UBE3B: variants seen among roughly 807,000 people sequenced by gnomAD.
UBE3B encodes the protein ubiquitin-protein ligase E3B.
In UBE3B, 80 loss-of-function variants were observed where a neutral mutation model predicts 132.3. That is an observed-to-expected ratio of 0.60 (90% CI 0.50 to 0.73). The LOEUF is 0.73. Ranked by LOEUF, UBE3B falls within the 30% of genes least tolerant of loss-of-function variation. The pLI, the probability that UBE3B is intolerant of heterozygous loss-of-function variation, is 0.00. For missense variants in UBE3B, 1,196 were observed against 1,362.5 expected (o/e 0.88, Z 1.92); for synonymous variants, 487 against 520.4 (o/e 0.94, Z 0.87).
Position 109,498,251 on chromosome 12 carries a change from T to C in UBE3B, c.838T>C (p.Ser280Pro), listed in dbSNP as rs61748069. The C allele has an allele frequency of 0.033, 52,787 of 1,614,046 alleles. 1,043 individuals carry two copies. The highest frequency in any genetic ancestry group is 0.038 in the Non-Finnish European group (44,980 of 1,179,956). The change falls in exon 11 of 28, where the codon TCC becomes CCC. Residue 280 changes from serine (S) to proline (P), a missense_variant. By Grantham distance (74) the Ser-to-Pro change is moderately conservative. Transcript: ENST00000342494. Reference sequence around the variant, plus strand: ...TTTGCAGCGCCTCACTGTTTTAGAATCCCATGACATGCTTCGTAAATTCAT... The same window carrying C: ...TTTGCAGCGCCTCACTGTTTTAGAACCCCATGACATGCTTCGTAAATTCAT... ...VTPERLTVLE[S>P]HDMLRKFIIF... is the part of the protein sequence containing the mutation.
At chr12:109,519,344 C>A (rs1159441024) in intron 19 of UBE3B, among the ~76,000 whole-genome samples, 1 of 152,218 alleles carries the variant, frequency 6.6e-6, no homozygotes, top group Non-Finnish European at 1.5e-5. Context: ...GGATATAATC[C>A]TCGCATATCC....
intron 12 of UBE3B, 107 bp downstream of exon 12, chr12:109,499,917 T>C (rs1419364330): frequency 8.8e-6 from 9 of 1,021,694 alleles, no homozygotes; most frequent in Non-Finnish European, 1.2e-5. Context: ...ATTATAAAAA[T>C]AATATGTATT....
chr12:109,527,564 T>A (rs1471877166), intron 24 of UBE3B, among the ~76,000 whole-genome samples: 1 of 152,248 alleles, frequency 6.6e-6, no homozygotes, highest in African/African-American at 2.4e-5. Flanking sequence ...AGCTTGGGAC[T>A]TTTTTATTTA....
rs1566109824 is a variant in UBE3B at position 109,524,119 on chromosome 12, A to AGCATGG, written c.2502+5_2502+10dup. On this transcript the variant is annotated splice_donor_region_variant and intron_variant, in intron 22 of 27. Coordinates refer to ENST00000342494, the MANE Select transcript of UBE3B (RefSeq NM_130466.4). ...TAAAAACCTCACCTCCATCAAGGTG[A>AGCATGG]GCATGGAATGGTGGGTGAGCTAAGC... 1.9e-6 allele frequency: 3 copies of AGCATGG among 1,614,044 alleles called. No homozygotes were observed. Among genetic ancestry groups the AGCATGG allele is most frequent in the African/African-American group, 2.7e-5 (2 of 75,048 alleles).
At chr12:109,483,789 A>G in intron 3 of UBE3B, 72 bp from the exon 4 acceptor site, 1 of 1,587,394 alleles carries the variant, frequency 6.3e-7, no homozygotes. Flanking sequence ...TTTCTCATAA[A>G]GTGCTTGAAA....
chr12:109,529,967 G>T lies in UBE3B; in HGVS notation c.2705G>T (p.Gly902Val). ...IKNQTAALIS[G>V]FRSIIKPEWI... is the part of the protein sequence containing the mutation. ...AACCAAACAGCTGCCCTCATTAGCG[G>T]ATTCCGTTCCATTATCAAACCCGAG... Residue 902 changes from glycine to valine, a missense_variant, in exon 25 of 28, where the codon GGA (glycine) becomes GTA (valine). Physicochemically the swap from Gly to Val is moderately radical, Grantham distance 109. Coordinates refer to ENST00000342494, the MANE Select transcript of UBE3B (RefSeq NM_130466.4). 2 of 1,614,132 alleles carry T rather than the reference G, an allele frequency of 1.2e-6. No homozygotes were observed. Among genetic ancestry groups the T allele is most frequent in the Non-Finnish European group, 1.7e-6 (2 of 1,180,046 alleles).
At chr12:109,539,055 G>A (rs1034475049), downstream of UBE3B, among the ~76,000 whole-genome samples, 1 of 152,192 alleles carries the variant, frequency 6.6e-6, no homozygotes, top group South Asian at 2.1e-4. Flanking sequence ...GGCCAATACG[G>A]TGAAACCCTG....
At chr12:109,510,050 G>A (rs186156942) in intron 16 of UBE3B, among the ~76,000 whole-genome samples, 1 of 152,182 alleles carries the variant, frequency 6.6e-6, no homozygotes, top group Non-Finnish European at 1.5e-5. Flanking sequence ...CTTGAGATGA[G>A]AGTCCACCTC....
chr12:109,506,400 G>A (rs187921191), intron 14 of UBE3B, among the ~76,000 whole-genome samples: 1 of 152,360 alleles, frequency 6.6e-6, no homozygotes, highest in African/African-American at 2.4e-5. Flanking sequence ...CCAGGCTAGA[G>A]TGCAGTGGTG....
chr12:109,491,227 C>T (rs1415949835), intron 9 of UBE3B, 100 bp downstream of exon 9: 3 of 1,102,398 alleles, frequency 2.7e-6, no homozygotes, highest in African/African-American at 3.2e-5. Context: ...TAGACTTGCC[C>T]ATTTTGTCAG....
At chr12:109,491,008 G>A (rs1238044540) in intron 8 of UBE3B, 37 bp from the exon 9 acceptor site, 1 of 1,596,078 alleles carries the variant, frequency 6.3e-7, no homozygotes, top group South Asian at 1.1e-5. Flanking sequence ...ATATAAAGTT[G>A]ATATCATCCT....
At chr12:109,512,604 CAT>C (rs2136001989) in intron 18 of UBE3B, among the ~76,000 whole-genome samples, 1 of 152,226 alleles carries the variant, frequency 6.6e-6, no homozygotes, top group East Asian at 1.9e-4. Flanking sequence ...ACGAAGTAGA[CAT>C]ATTTTTAGAA....
At chr12:109,507,808 A>G in intron 15 of UBE3B, 73 bp downstream of exon 15, 1 of 1,505,176 alleles carries the variant, frequency 6.6e-7, no homozygotes, top group Non-Finnish European at 9.0e-7. Flanking sequence ...TCAGTAAGGA[A>G]GTAATTGCTA....
intron 23 of UBE3B, 61 bp from the exon 24 acceptor site, chr12:109,526,297 C>T (rs7139198): frequency 0.17 from 263,334 of 1,534,422 alleles, 23,123 homozygotes; most frequent in Middle Eastern, 0.19. Context: ...CTCTCATCTC[C>T]GGGAAGCTTT....
At chr12:109,520,743 ATTTT>A (rs35964882) in intron 19 of UBE3B, 7 of 148,592 alleles carry the variant, frequency 4.7e-5, no homozygotes, top group Admixed American at 2.7e-4. Flanking sequence ...TGTAGGTTTG[ATTTT>A]TTTTTTTTTT....
the UBE3B span, among the ~76,000 whole-genome samples, chr12:109,545,154 C>T: frequency 6.6e-6 from 1 of 152,256 alleles, no homozygotes; most frequent in Non-Finnish European, 1.5e-5. Flanking sequence ...CTGACCTGCT[C>T]CCATCCCACT....
At chr12:109,511,412 A>G (rs1039628547) in intron 18 of UBE3B, 109 bp downstream of exon 18, 4 of 961,816 alleles carry the variant, frequency 4.2e-6, no homozygotes, top group Non-Finnish European at 6.3e-6. Flanking sequence ...GGGATCATTC[A>G]TTCAGCACAA....
Position 109,529,874 on chromosome 12 carries a change from TC to T in UBE3B, c.2628-14del. 6.2e-7 allele frequency: 1 copy of T among 1,613,812 alleles called. No individual in the cohort carries two copies. Among genetic ancestry groups the T allele is most frequent in the Non-Finnish European group, 8.5e-7 (1 of 1,179,678 alleles). Reference sequence around the variant, plus strand: ...CCTGTTAATTGTCATTGTTATCTCTTCCTTGTTGGCAACAGAATTAGCTACA... The same window carrying T: ...CCTGTTAATTGTCATTGTTATCTCTTCTTGTTGGCAACAGAATTAGCTACA... On this transcript the variant is annotated splice_polypyrimidine_tract_variant and intron_variant, in intron 24 of 27. Coordinates refer to ENST00000342494, the MANE Select transcript of UBE3B (RefSeq NM_130466.4).
At chr12:109,487,268 A>G (rs1592885752) in intron 6 of UBE3B, among the ~76,000 whole-genome samples, 1 of 152,062 alleles carries the variant, frequency 6.6e-6, no homozygotes, top group Admixed American at 6.5e-5. Context: ...GTGTTCCCCT[A>G]CCCCCTTCAG....
Sources: gnomAD v4.1 joint callset for allele counts (sites outside exome capture counted in the v4.1 genomes callset) on GRCh38, gnomAD v4.1.1 for gene constraint, MANE v1.5 for transcripts, NCBI Gene and HGNC (gene_info 2026-07-23, HGNC 2026-07-21) for gene names.